Variants in TLCD3B observed in about 807,000 individuals in gnomAD.
TLCD3B encodes ceramide synthase.
TLCD3B carries 9 observed loss-of-function variants against 23.0 expected under a neutral mutation model. That is an observed-to-expected ratio of 0.39 (90% CI 0.24 to 0.68). The LOEUF (loss-of-function observed/expected upper bound fraction) is 0.68, where lower values mean the gene tolerates loss of function less well. TLCD3B is among the 30% of genes least tolerant of loss of function. TLCD3B has a pLI of 0.44. For missense variants in TLCD3B, 307 were observed against 371.8 expected, an observed-to-expected ratio of 0.83 and a Z score of 1.43; for synonymous variants, 161 against 161.0, an observed-to-expected ratio of 1.00 and a Z score of 0.00.
At chr16:30,049,194 C>G (rs1259202843) in intron 1 of TLCD3B, among the ~76,000 whole-genome samples, 2 of 152,184 alleles carry the variant, frequency 1.3e-5, no homozygotes, top group African/African-American at 2.4e-5. Context: ...TGTGGAGAGG[C>G]CTCTGTTGAC....
chr16:30,030,021 T>C, intron 1 of TLCD3B: 1 of 1,329,032 alleles, frequency 7.5e-7, no homozygotes, highest in Non-Finnish European at 9.9e-7. Flanking sequence ...TGTAGAGTTG[T>C]ACCATCCACT....
At chr16:30,052,186 G>A (rs1215357374) in intron 1 of TLCD3B, among the ~76,000 whole-genome samples, 1 of 150,728 alleles carries the variant, frequency 6.6e-6, no homozygotes, top group Admixed American at 6.6e-5. Context: ...TGGCCAACAT[G>A]GTGAAACCCC....
chr16:30,052,420 G>C (rs1464212459), intron 1 of TLCD3B, among the ~76,000 whole-genome samples: 1 of 151,700 alleles, frequency 6.6e-6, no homozygotes. Context: ...AACCGGGCCC[G>C]GCGCGGTGGC....
At chr16:30,049,715 A>G (rs544054619) in intron 1 of TLCD3B, among the ~76,000 whole-genome samples, 8 of 152,292 alleles carry the variant, frequency 5.3e-5, no homozygotes, top group African/African-American at 1.9e-4. Flanking sequence ...TCACAAGGTC[A>G]GGAGTTTAAG....
upstream of TLCD3B, among the ~76,000 whole-genome samples, chr16:30,034,848 G>A (rs1206540328): frequency 6.6e-6 from 1 of 152,020 alleles, no homozygotes; most frequent in Admixed American, 6.5e-5. Flanking sequence ...ACCAGTGAGG[G>A]ATCTGAAGTT....
intron 1 of TLCD3B, among the ~76,000 whole-genome samples, chr16:30,048,772 A>AT (rs922154796): frequency 1.0e-4 from 15 of 149,690 alleles, no homozygotes; most frequent in African/African-American, 2.0e-4. Context: ...ACGCCCAGCT[A>AT]TTTTTTTTTC....
At chr16:30,028,660 A>C (rs1027276590) in intron 2 of TLCD3B, among the ~76,000 whole-genome samples, 5 of 152,168 alleles carry the variant, frequency 3.3e-5, no homozygotes, top group African/African-American at 1.2e-4. Context: ...AGAGGAGGCA[A>C]ACAGAAACAG....
chr16:30,036,150 C>G, upstream of TLCD3B: 3 of 1,284,514 alleles, frequency 2.3e-6, no homozygotes, highest in Non-Finnish European at 3.0e-6. Context: ...CTCCCCAGTC[C>G]TCACCTCAGA....
chr16:30,049,614 T>C (rs896942271), intron 1 of TLCD3B, among the ~76,000 whole-genome samples: 1 of 152,130 alleles, frequency 6.6e-6, no homozygotes, highest in Non-Finnish European at 1.5e-5. Context: ...CCAGCAAATG[T>C]TGTGATGTGG....
upstream of TLCD3B, chr16:30,032,961 C>G (rs2071397410): frequency 6.6e-6 from 1 of 152,160 alleles, no homozygotes; most frequent in South Asian, 2.1e-4. Context: ...AGCTGGGTTT[C>G]AAACCCATGG....
chr16:30,036,105 CCCGCCCG>C, upstream of TLCD3B: 1 of 1,240,510 alleles, frequency 8.1e-7, no homozygotes, highest in African/African-American at 1.6e-5. Context: ...TTCTGCATGC[CCCGCCCG>C]CCGCCCACCC....
rs373811080 is a variant in TLCD3B, at chr16:30,029,386, C to A, written c.209+46G>T. On this transcript the variant is annotated intron_variant, in intron 2 of 4. Coordinates refer to ENST00000380495, the MANE Select transcript of TLCD3B (RefSeq NM_031478.6). This position sits in a 1 kb window ranked among gnomAD's most constrained non-coding sequence, Gnocchi z 4.6. ...GGGGTCTTCCGGGATTACCCGTACA[C>A]GCCAACCACTGGCACCTGGGCAGGG... 6.4e-7 allele frequency: 1 copy of A among 1,551,718 alleles called. No homozygotes were observed. Among genetic ancestry groups the A allele is most frequent in the Non-Finnish European group, 8.9e-7 (1 of 1,125,642 alleles).
intron 2 of TLCD3B, chr16:30,027,204 C>T (rs1316573836): frequency 6.4e-6 from 3 of 466,010 alleles, no homozygotes; most frequent in Non-Finnish European, 8.6e-6. Context: ...TTTGTCCTAA[C>T]CTTACCATGA....
intron 2 of TLCD3B, among the ~76,000 whole-genome samples, chr16:30,043,803 C>T (rs2071614230): frequency 6.6e-6 from 1 of 152,072 alleles, no homozygotes; most frequent in African/African-American, 2.4e-5. Context: ...CCTGCCTCAG[C>T]CTCCTGAGTA....
In TLCD3B at chr16:30,024,928, CAGTG is replaced by C. The variant is rs1281751684; in HGVS notation, c.*251_*254del. ...CCCTCCCCACAAGCCCTCCTGCCCT[CAGTG>C]GGTGGGAGGCGGTGCCCCCTCCCCT... On this transcript the variant is annotated 3_prime_UTR_variant, in exon 5 of 5. Transcript: ENST00000380495. The C allele has an allele frequency of 2.3e-6, 1 of 443,518 alleles. No homozygotes were observed. Among genetic ancestry groups the C allele is most frequent in the African/African-American group, 2.1e-5 (1 of 48,534 alleles). 27.5% of individuals were successfully genotyped at this position (443,518 alleles called of 1,614,324 possible).
At chr16:30,048,613 G>C (rs143947259) in intron 1 of TLCD3B, among the ~76,000 whole-genome samples, 2 of 151,002 alleles carry the variant, frequency 1.3e-5, no homozygotes, top group Non-Finnish European at 2.9e-5. Flanking sequence ...GATCTTTCCT[G>C]GTTCTAAAGG....
Position 30,026,669 on chromosome 16 carries a change from C to T in TLCD3B, c.384G>A (p.Lys128=), listed in dbSNP as rs1384479493. The T allele has an allele frequency of 1.9e-6, 3 of 1,613,804 alleles. No homozygotes were observed. Among genetic ancestry groups the T allele is most frequent in the Non-Finnish European group, 2.5e-6 (3 of 1,180,042 alleles). The change falls in exon 3 of 5, where the codon AAG becomes AAA. Residue 128 remains lysine (K), a synonymous_variant. Coordinates refer to ENST00000380495, the MANE Select transcript of TLCD3B (RefSeq NM_031478.6). ...TWAIARGYLH[K]EFLMVLHHAA... ...CATGGTGGAGCACCATGAGGAACTC[C>T]TTGTGCAGGTAGCCACGCGCTATGG...
chr16:30,038,965 C>A (rs1038113760), intron 3 of TLCD3B, among the ~76,000 whole-genome samples: 1 of 151,820 alleles, frequency 6.6e-6, no homozygotes, highest in African/African-American at 2.4e-5. Flanking sequence ...TAATGTTAGG[C>A]AGATATAGAA....
chr16:30,050,404 G>A (rs1043079132), intron 1 of TLCD3B, among the ~76,000 whole-genome samples: 8 of 152,140 alleles, frequency 5.3e-5, no homozygotes, highest in African/African-American at 1.2e-4. Context: ...GCTGGGTGTC[G>A]TAGCATGCAC....
Sources: allele counts gnomAD v4.1 joint callset (sites outside exome capture counted in the v4.1 genomes callset), GRCh38; gene constraint gnomAD v4.1.1; non-coding constraint Gnocchi (gnomAD v3.1); transcripts MANE v1.5; gene names NCBI Gene and HGNC (gene_info 2026-07-23, HGNC 2026-07-21).